Variants in SLC35A3 observed in about 807,000 individuals in gnomAD.
SLC35A3 encodes UDP-N-acetylglucosamine transporter.
Under a neutral mutation model 39.0 loss-of-function variants are expected in SLC35A3, and 26 were observed. The observed-to-expected ratio is 0.67, with a 90% CI of 0.49 to 0.92. The LOEUF is 0.92. Ranked by LOEUF, SLC35A3 falls within the 40% of genes least tolerant of loss-of-function variation. The pLI, the probability that SLC35A3 is intolerant of heterozygous loss-of-function variation, is 0.00. For missense variants in SLC35A3, 299 were observed against 371.6 expected (o/e 0.80, Z 1.61); for synonymous variants, 135 against 133.1 (o/e 1.01, Z -0.10).
rs564651304 is a variant in SLC35A3 at position 99,979,816 on chromosome 1, G to A, written c.-19+9654G>A. 2.9e-3 allele frequency among the ~76,000 whole-genome samples: 442 copies of A among 151,940 alleles called. 3 individuals carry two copies. The highest frequency in any genetic ancestry group is 0.01 in the African/African-American group (427 of 41,512). ...CCCAGCACTTTGAGAGGCCGAGGTGGGTGGATCACCCGAGGTCAGGAGTTC... is the reference window on the plus strand; with the variant it reads ...CCCAGCACTTTGAGAGGCCGAGGTGAGTGGATCACCCGAGGTCAGGAGTTC... On this transcript the variant is annotated intron_variant, in intron 1 of 7. Coordinates refer to ENST00000533028, the MANE Select transcript of SLC35A3 (RefSeq NM_012243.3).
intron 1 of SLC35A3, among the ~76,000 whole-genome samples, chr1:99,991,483 G>T (rs996602202): frequency 9.2e-5 from 14 of 152,204 alleles, no homozygotes; most frequent in African/African-American, 3.4e-4. Flanking sequence ...AAGTCTGGAA[G>T]TTTGGTAGCT....
intron 1 of SLC35A3, among the ~76,000 whole-genome samples, chr1:99,988,115 A>G (rs985837493): frequency 5.9e-5 from 9 of 152,204 alleles, no homozygotes; most frequent in East Asian, 1.9e-4. Context: ...AAATTCAATC[A>G]TATAACTACC....
chr1:100,011,391 T>C lies in SLC35A3; in HGVS notation c.492T>C (p.Ser164=). The C allele has an allele frequency of 6.4e-7, 1 of 1,551,700 alleles. No homozygotes were observed. Among genetic ancestry groups the C allele is most frequent in the Non-Finnish European group, 8.7e-7 (1 of 1,146,456 alleles). Reference sequence around the variant, plus strand: ...GGCCCTCAGATTCTCAGCTTGATTCTAAGGAACTTTCAGCTGGTTCTCAAT... The same window carrying C: ...GGCCCTCAGATTCTCAGCTTGATTCCAAGGAACTTTCAGCTGGTTCTCAAT... The part of the protein sequence containing the change: ...VQWPSDSQLD[S]KELSAGSQFV... Residue 164 remains serine, a synonymous_variant, in exon 5 of 8, where the codon TCT becomes TCC. Coordinates refer to ENST00000533028, the MANE Select transcript of SLC35A3 (RefSeq NM_012243.3).
chr1:99,992,981 C>T (rs1356464508), intron 1 of SLC35A3: 2 of 152,666 alleles, frequency 1.3e-5, no homozygotes, highest in African/African-American at 4.8e-5. Context: ...CACCTCTGCT[C>T]TCATTGGTTC....
At chr1:99,993,457 C>A (rs748670326) in intron 1 of SLC35A3, 80 bp from the exon 2 acceptor site, 18 of 1,186,352 alleles carry the variant, frequency 1.5e-5, no homozygotes, top group Non-Finnish European at 2.1e-5. Flanking sequence ...CCTCTCCCTT[C>A]TCCCTCTCGG....
At chr1:99,980,309 T>C (rs1382243988) in intron 1 of SLC35A3, among the ~76,000 whole-genome samples, 4 of 152,016 alleles carry the variant, frequency 2.6e-5, no homozygotes, top group African/African-American at 9.7e-5. Flanking sequence ...CATAACAGAA[T>C]GAGGTAGAGC....
At chr1:100,010,569 T>C (rs1016256301) in intron 4 of SLC35A3, among the ~76,000 whole-genome samples, 1 of 152,118 alleles carries the variant, frequency 6.6e-6, no homozygotes, top group African/African-American at 2.4e-5. Context: ...TGTGTGCACC[T>C]GTAGTCCCAG....
In SLC35A3 at chr1:100,024,775, G is replaced by T. The variant is rs190668162; in HGVS notation, c.*2299G>T. The T allele has an allele frequency of 5.1e-6, 2 of 395,960 alleles. No homozygotes were observed. The highest frequency in any genetic ancestry group is 8.8e-5 in the Admixed American group (2 of 22,618). 24.5% of individuals were successfully genotyped at this position (395,960 alleles called of 1,614,324 possible). A position where few individuals can be genotyped will look rare whatever the true frequency, so the allele number is the denominator to read the frequency against. The stretch of plus-strand genomic sequence containing the variant: ...TGGGATTGCAGGCGTGAGCCACTGC[G>T]CCCGGCCTATACTGTATATATTTTT... On this transcript the variant is annotated 3_prime_UTR_variant, in exon 8 of 8. Transcript: ENST00000533028.
intron 6 of SLC35A3, 31 bp downstream of exon 6, chr1:100,015,451 T>G: frequency 6.3e-7 from 1 of 1,574,824 alleles, no homozygotes; most frequent in Non-Finnish European, 8.6e-7. Context: ...GATTTAATGC[T>G]AATAAACTGT....
chr1:99,975,889 G>A (rs758830549), intron 1 of SLC35A3, among the ~76,000 whole-genome samples: 2 of 151,964 alleles, frequency 1.3e-5, no homozygotes, highest in African/African-American at 2.4e-5. Flanking sequence ...GCAAGACCCC[G>A]GCTCCACAAA....
chr1:99,990,005 C>T (rs781254319), intron 1 of SLC35A3, among the ~76,000 whole-genome samples: 1 of 152,140 alleles, frequency 6.6e-6, no homozygotes, highest in Non-Finnish European at 1.5e-5. Flanking sequence ...GATCCTCCTG[C>T]CCCAGCCTCT....
In SLC35A3 at chr1:100,025,586, C is replaced by T. The variant is rs779520207; in HGVS notation, c.*3110C>T. The stretch of plus-strand genomic sequence containing the variant: ...TTGAAAATGTTTATTGGAGATTGGG[C>T]TATGTAGTTTATAATTTTTAATTCA... On this transcript the variant is annotated 3_prime_UTR_variant, in exon 8 of 8. Transcript: ENST00000533028. 1 of 152,088 alleles carries T rather than the reference C, an allele frequency of 6.6e-6. No individual in the cohort carries two copies. The highest frequency in any genetic ancestry group is 2.4e-5 in the African/African-American group (1 of 41,402). The allele number at this position is 152,088 out of a possible 1,614,324, so 9.4% of individuals were successfully genotyped here.
intron 1 of SLC35A3, among the ~76,000 whole-genome samples, chr1:99,977,725 GA>G (rs1165940439): frequency 6.6e-6 from 1 of 152,180 alleles, no homozygotes; most frequent in Non-Finnish European, 1.5e-5. Flanking sequence ...TTGTTGTAAA[GA>G]CAGAGTCCGA....
In SLC35A3 at chr1:100,034,167, C is replaced by T. The variant is rs1661385476; in HGVS notation, c.*11691C>T. On this transcript the variant is annotated 3_prime_UTR_variant, in exon 8 of 8. Transcript: ENST00000533028. ...TGACATTTTGTTTGTTGTTTTTTAC[C>T]TAGAGACCCAGATAATTTTTTCTAT... is the stretch of plus-strand genomic sequence containing the variant. 6.6e-6 allele frequency: 1 copy of T among 152,024 alleles called. No individual in the cohort carries two copies. Among genetic ancestry groups the T allele is most frequent in the South Asian group, 2.1e-4 (1 of 4,828 alleles). The allele number at this position is 152,024 out of a possible 1,614,324, so 9.4% of individuals were successfully genotyped here. A position where few individuals can be genotyped will look rare whatever the true frequency, so the allele number is the denominator to read the frequency against.
At chr1:99,971,407 T>C (rs192607231) in intron 1 of SLC35A3, among the ~76,000 whole-genome samples, 129 of 151,770 alleles carry the variant, frequency 8.5e-4, no homozygotes, top group African/African-American at 2.9e-3. Flanking sequence ...CCCGGGTTCA[T>C]GCCGTTCTCC....
rs983026950 is a variant in SLC35A3, at chr1:100,026,633, C to T, written c.*4157C>T. On this transcript the variant is annotated 3_prime_UTR_variant, in exon 8 of 8. Transcript: ENST00000533028. Reference sequence around the variant, plus strand: ...AACAGTACTTAAATAAATTGTGATACTATTGCTCCATCATTGAACTTTTTG... The same window carrying T: ...AACAGTACTTAAATAAATTGTGATATTATTGCTCCATCATTGAACTTTTTG... 6.6e-6 allele frequency: 1 copy of T among 152,116 alleles called. No individual in the cohort carries two copies. Among genetic ancestry groups the T allele is most frequent in the Non-Finnish European group, 1.5e-5 (1 of 67,992 alleles). 9.4% of individuals were successfully genotyped at this position (152,116 alleles called of 1,614,324 possible). A position where few individuals can be genotyped will look rare whatever the true frequency, so the allele number is the denominator to read the frequency against.
chr1:99,992,279 A>G (rs913336167), intron 1 of SLC35A3, among the ~76,000 whole-genome samples: 1 of 151,992 alleles, frequency 6.6e-6, no homozygotes, highest in Non-Finnish European at 1.5e-5. Context: ...AAATGGTTAT[A>G]TTTTTCTAAT....
intron 2 of SLC35A3, among the ~76,000 whole-genome samples, chr1:99,997,521 T>G (rs942804323): frequency 1.7e-3 from 242 of 140,720 alleles, no homozygotes; most frequent in Non-Finnish European, 3.0e-3. Flanking sequence ...TTCCAAAAAT[T>G]GGACATGTAT....
intron 1 of SLC35A3, among the ~76,000 whole-genome samples, chr1:99,979,729 T>C (rs113432912): frequency 0.11 from 15,626 of 145,276 alleles, 1,307 homozygotes; most frequent in African/African-American, 0.23. Context: ...CCACCGCGCC[T>C]GGCCTCCTTT....
Sources: allele counts gnomAD v4.1 joint callset (sites outside exome capture counted in the v4.1 genomes callset), GRCh38; gene constraint gnomAD v4.1.1; transcripts MANE v1.5; gene names NCBI Gene and HGNC (gene_info 2026-07-23, HGNC 2026-07-21).